The following ATG5 variants were observed in gnomAD, a reference collection of about 807,000 sequenced individuals.
ATG5 encodes the protein autophagy protein 5.
ATG5 carries 14 observed loss-of-function variants against 36.5 expected under a neutral mutation model. That is an observed-to-expected ratio of 0.38 (90% CI 0.25 to 0.60). The LOEUF is 0.60. ATG5 is among the 20% of genes least tolerant of loss of function. ATG5 has a pLI of 0.60. For missense variants in ATG5, 195 were observed against 326.7 expected, an observed-to-expected ratio of 0.60 and a Z score of 3.11; for synonymous variants, 95 against 101.5, an observed-to-expected ratio of 0.94 and a Z score of 0.38.
At chr6:106,293,762 A>G (rs1780420404) in intron 3 of ATG5, among the ~76,000 whole-genome samples, 1 of 152,230 alleles carries the variant, frequency 6.6e-6, no homozygotes, top group South Asian at 2.1e-4. Flanking sequence ...TCCTAATATA[A>G]CCATTACCCA....
At chr6:106,297,704 G>T (rs1770012280) in intron 3 of ATG5, among the ~76,000 whole-genome samples, 1 of 142,316 alleles carries the variant, frequency 7.0e-6, no homozygotes, top group Admixed American at 7.1e-5. Flanking sequence ...TAAATTATTT[G>T]CAAAATGACT....
At chr6:106,293,936 C>G (rs1262860341) in intron 3 of ATG5, among the ~76,000 whole-genome samples, 1 of 148,390 alleles carries the variant, frequency 6.7e-6, no homozygotes, top group Non-Finnish European at 1.5e-5. Flanking sequence ...TTCCAAAATG[C>G]TTGGGATTAG....
At chr6:106,298,475 C>A (rs771279434) in intron 3 of ATG5, among the ~76,000 whole-genome samples, 22 of 151,998 alleles carry the variant, frequency 1.4e-4, no homozygotes, top group Non-Finnish European at 2.9e-4. Flanking sequence ...TGCTTGAACC[C>A]GGGAGGCGGA....
At chr6:106,190,581 A>G (rs562398425) in intron 7 of ATG5, among the ~76,000 whole-genome samples, 149 of 152,122 alleles carry the variant, frequency 9.8e-4, no homozygotes, top group South Asian at 3.1e-3. Context: ...AACCTTTACA[A>G]TTTTGAAGAG....
At chr6:106,258,464 G>C (rs1778887290) in intron 5 of ATG5, among the ~76,000 whole-genome samples, 1 of 152,160 alleles carries the variant, frequency 6.6e-6, no homozygotes, top group African/African-American at 2.4e-5. Context: ...ATTACAGTGG[G>C]ACCAGTGATG....
intron 6 of ATG5, among the ~76,000 whole-genome samples, chr6:106,214,605 G>C (rs1304177819): frequency 1.3e-5 from 2 of 152,074 alleles, no homozygotes. Context: ...TTTATGTTTT[G>C]TCTTATTTAA....
intron 4 of ATG5, among the ~76,000 whole-genome samples, chr6:106,289,484 A>C (rs1780217962): frequency 1.3e-5 from 2 of 152,112 alleles, no homozygotes; most frequent in Non-Finnish European, 2.9e-5. Flanking sequence ...AAACACACTG[A>C]TAGCTTGAAC....
Position 106,258,243 on chromosome 6 carries a change from C to T in ATG5, c.479-9999G>A, listed in dbSNP as rs1042794030. Among the ~76,000 whole-genome samples, 3 of 149,566 alleles carry T rather than the reference C, an allele frequency of 2.0e-5. No homozygotes were observed. In the Admixed American group the frequency reaches 2.0e-4, roughly 10 times the overall value. ...ATTAGCCAAGCATTGGTGGTGTATG[C>T]CAGTAGTACCAGCTACTTGGGAGAC... On this transcript the variant is annotated intron_variant, in intron 5 of 7. Coordinates refer to ENST00000369076, the MANE Select transcript of ATG5 (RefSeq NM_004849.4).
At position 106,323,287 on chromosome 6, in the gene ATG5, A is replaced by G. The variant is rs1189250787; in HGVS notation, c.-59+2239T>C. 4.4e-3 allele frequency among the ~76,000 whole-genome samples: 140 copies of G among 32,084 alleles called. 1 individual carries two copies. Among genetic ancestry groups the G allele is most frequent in the African/African-American group, 0.01 (122 of 11,946 alleles). The allele number at this position is 32,084 out of a possible 152,430, so 21.0% of individuals were successfully genotyped here. On this transcript the variant is annotated intron_variant, in intron 1 of 7. Coordinates refer to ENST00000369076, the MANE Select transcript of ATG5 (RefSeq NM_004849.4). ...TTTTTTTTTTTTTTTTTTTTTTTTT[A>G]AAGAGACAGGGTCTTGCTGTCACCC...
At chr6:106,210,548 C>T (rs1194023747) in intron 6 of ATG5, among the ~76,000 whole-genome samples, 3 of 152,108 alleles carry the variant, frequency 2.0e-5, no homozygotes, top group Admixed American at 6.5e-5. Flanking sequence ...ACTGACCCTT[C>T]GTATTTCAAA....
rs982926588 is a variant in ATG5 at position 106,185,142 on chromosome 6, T to C, written c.*1398A>G. The C allele has an allele frequency of 2.0e-5, 3 of 152,756 alleles. No homozygotes were observed. Among genetic ancestry groups the C allele is most frequent in the African/African-American group, 7.2e-5 (3 of 41,452 alleles). 9.5% of individuals were successfully genotyped at this position (152,756 alleles called of 1,614,324 possible). On this transcript the variant is annotated 3_prime_UTR_variant, in exon 8 of 8. Coordinates refer to ENST00000369076, the MANE Select transcript of ATG5 (RefSeq NM_004849.4). The stretch of plus-strand genomic sequence containing the variant: ...AGAATATCTGGTCTTTGACCAACTT[T>C]ATCTAATTTTGTGAAGAAATGTGCT...
chr6:106,316,542 G>GT (rs1226934982), intron 1 of ATG5, among the ~76,000 whole-genome samples: 2 of 152,112 alleles, frequency 1.3e-5, no homozygotes, highest in Non-Finnish European at 2.9e-5. Context: ...AAATGAAACT[G>GT]TATCTGCATC....
intron 6 of ATG5, among the ~76,000 whole-genome samples, chr6:106,218,491 T>C (rs1008424743): frequency 6.6e-6 from 1 of 152,176 alleles, no homozygotes; most frequent in Non-Finnish European, 1.5e-5. Context: ...GAAAGGCATG[T>C]AGGTAAAAAG....
chr6:106,251,272 C>T (rs996003207), intron 5 of ATG5, among the ~76,000 whole-genome samples: 2 of 152,290 alleles, frequency 1.3e-5, no homozygotes, highest in South Asian at 2.1e-4. Context: ...TCTGGCCTGG[C>T]GGGAAGAGGG....
At chr6:106,237,208 A>C (rs1025341630) in intron 6 of ATG5, among the ~76,000 whole-genome samples, 2 of 152,214 alleles carry the variant, frequency 1.3e-5, no homozygotes, top group African/African-American at 4.8e-5. Context: ...TAAAAAGAAA[A>C]TTTTAAATAA....
chr6:106,232,405 T>C (rs1476042613), intron 6 of ATG5, among the ~76,000 whole-genome samples: 1 of 152,112 alleles, frequency 6.6e-6, no homozygotes, highest in African/African-American at 2.4e-5. Flanking sequence ...GGGAGAGACA[T>C]TCTAGCAAAA....
intron 7 of ATG5, among the ~76,000 whole-genome samples, chr6:106,201,301 G>T (rs1342110669): frequency 6.6e-6 from 1 of 151,754 alleles, no homozygotes; most frequent in Non-Finnish European, 1.5e-5. Flanking sequence ...GTGTGTGTGT[G>T]TGTGTCTCAA....
chr6:106,297,468 C>A (rs1770004954), intron 3 of ATG5, among the ~76,000 whole-genome samples: 1 of 152,002 alleles, frequency 6.6e-6, no homozygotes, highest in South Asian at 2.1e-4. Context: ...ATTATTAACA[C>A]TATTAGATGC....
chr6:106,244,215 G>A (rs576303444), intron 6 of ATG5, among the ~76,000 whole-genome samples: 1 of 152,094 alleles, frequency 6.6e-6, no homozygotes, highest in East Asian at 1.9e-4. Context: ...ACACTGCTAG[G>A]TTGTTTCTAT....
Sources: allele counts gnomAD v4.1 joint callset (sites outside exome capture counted in the v4.1 genomes callset), GRCh38; gene constraint gnomAD v4.1.1; transcripts MANE v1.5; gene names NCBI Gene and HGNC (gene_info 2026-07-23, HGNC 2026-07-21).